The following TSACC variants were observed in gnomAD, a reference collection of about 807,000 sequenced individuals.
TSACC encodes the protein TSSK6 activating cochaperone.
A neutral mutation model predicts 6.9 loss-of-function variants in TSACC; 3 were observed. The ratio of observed to expected loss-of-function variants is 0.43; its 90% CI spans 0.20 to 1.12. The LOEUF (loss-of-function observed/expected upper bound fraction) is 1.12. TSACC is among the 50% of genes most tolerant of loss of function. TSACC has a pLI of 0.28. For synonymous variants in TSACC, 54 were observed against 55.1 expected, an observed-to-expected ratio of 0.98 and a Z score of 0.09; for missense variants, 137 against 143.9, an observed-to-expected ratio of 0.95 and a Z score of 0.24.
At chr1:156,338,140 TC>T, upstream of TSACC, 1 of 1,582,230 alleles carries the variant, frequency 6.3e-7, no homozygotes, top group East Asian at 2.3e-5. Context: ...TTTCCTGGCA[TC>T]CCCAGAACTC....
intron 2 of TSACC, among the ~76,000 whole-genome samples, chr1:156,343,171 T>G (rs1665988349): frequency 6.6e-6 from 1 of 152,224 alleles, no homozygotes; most frequent in Non-Finnish European, 1.5e-5. Context: ...CACTTCTATT[T>G]GGATTTCCTA....
chr1:156,339,905 A>C, intron 2 of TSACC, 114 bp downstream of exon 2: 8 of 1,045,364 alleles, frequency 7.7e-6, no homozygotes, highest in Non-Finnish European at 1.0e-5. Flanking sequence ...TCTGTTAAAT[A>C]GTAGATGCTC....
chr1:156,345,862 A>G (rs1360959904), intron 3 of TSACC, among the ~76,000 whole-genome samples: 3 of 149,870 alleles, frequency 2.0e-5, no homozygotes, highest in East Asian at 2.0e-4. Context: ...GCAAGGCTCC[A>G]TTGAAAAAAA....
At chr1:156,344,318 A>G (rs772659135) in intron 2 of TSACC, among the ~76,000 whole-genome samples, 7 of 152,170 alleles carry the variant, frequency 4.6e-5, no homozygotes, top group Non-Finnish European at 7.3e-5. Flanking sequence ...CATCTTATGT[A>G]TACCCTAGGA....
chr1:156,346,890 C>A lies in TSACC; in HGVS notation c.286C>A (p.Gln96Lys). ...VLEHLQASVT[Q>K]LAPGRGSNNS... The stretch of plus-strand genomic sequence containing the variant: ...GGAACATTTACAGGCATCTGTGACA[C>A]AACTGGCTCCTGGGAGGGGAAGCAA... The change falls in exon 4 of 4, where the codon CAA (glutamine) becomes AAA (lysine). Residue 96 changes from glutamine to lysine, a missense_variant. Physicochemically the swap from Gln to Lys is moderately conservative, Grantham distance 53. Coordinates refer to ENST00000368254, the MANE Select transcript of TSACC (RefSeq NM_001304817.2). The A allele has an allele frequency of 6.2e-7, 1 of 1,614,224 alleles. No individual in the cohort carries two copies. Among genetic ancestry groups the A allele is most frequent in the East Asian group, 2.2e-5 (1 of 44,890 alleles).
At chr1:156,337,540 G>A (rs972678211), upstream of TSACC, 43 of 168,056 alleles carry the variant, frequency 2.6e-4, no homozygotes, top group South Asian at 4.8e-3. Context: ...TTACATCTAA[G>A]ATCAGTGAGG....
In TSACC at chr1:156,344,540, C is replaced by A. The variant is rs1164797059; in HGVS notation, c.35-40C>A. ...AGGGATCTAATTAGAAAGGCTGTCC[C>A]TTGTTGGAATGAGCTCTGATTTAGT... On this transcript the variant is annotated intron_variant, in intron 2 of 3. Coordinates refer to ENST00000368254, the MANE Select transcript of TSACC (RefSeq NM_001304817.2). 4.4e-6 allele frequency: 7 copies of A among 1,605,148 alleles called. No homozygotes were observed. The African/African-American group carries it at 8.0e-5, about 18-fold the overall frequency.
intron 2 of TSACC, among the ~76,000 whole-genome samples, chr1:156,341,285 T>G (rs77646020): frequency 0.029 from 4,386 of 152,320 alleles, 82 homozygotes; most frequent in Non-Finnish European, 0.041. Flanking sequence ...TGTGGAATCT[T>G]GAGCAAATTT....
chr1:156,344,449 T>G (rs1217059107), intron 2 of TSACC, 131 bp from the exon 3 acceptor site: 1 of 1,316,148 alleles, frequency 7.6e-7, no homozygotes, highest in Non-Finnish European at 1.0e-6. Flanking sequence ...TTTTGTCTTA[T>G]GTATCTTTCT....
intron 2 of TSACC, 51 bp from the exon 3 acceptor site, chr1:156,344,529 A>T (rs894392621): frequency 3.8e-6 from 6 of 1,594,734 alleles, no homozygotes; most frequent in Non-Finnish European, 5.1e-6. Flanking sequence ...ATCTAATTAG[A>T]AAGGCTGTCC....
chr1:156,338,085 G>A, upstream of TSACC: 2 of 1,521,494 alleles, frequency 1.3e-6, no homozygotes, highest in South Asian at 2.4e-5. Context: ...CGGAGCTGGG[G>A]CAACACTGAA....
At chr1:156,343,934 T>A (rs1666031140) in intron 2 of TSACC, among the ~76,000 whole-genome samples, 1 of 151,996 alleles carries the variant, frequency 6.6e-6, no homozygotes, top group Admixed American at 6.6e-5. Context: ...GAGACGGAGT[T>A]TTACCAGGTT....
intron 2 of TSACC, 93 bp downstream of exon 2, chr1:156,339,884 C>G: frequency 7.4e-7 from 1 of 1,355,872 alleles, no homozygotes. Context: ...TTCCCAGCAC[C>G]TAGAACTGGA....
upstream of TSACC, chr1:156,337,896 G>A (rs899383164): frequency 1.9e-6 from 1 of 537,748 alleles, no homozygotes; most frequent in Non-Finnish European, 3.3e-6. Context: ...GACAGAACGC[G>A]GAGTGGGAAA....
intron 3 of TSACC, among the ~76,000 whole-genome samples, chr1:156,345,499 G>T (rs1393774597): frequency 6.6e-6 from 1 of 151,772 alleles, no homozygotes; most frequent in African/African-American, 2.4e-5. Flanking sequence ...GGAGGCGGAG[G>T]TTGCAGTGAG....
At chr1:156,338,114 G>A, upstream of TSACC, 1 of 1,568,216 alleles carries the variant, frequency 6.4e-7, no homozygotes, top group Non-Finnish European at 8.6e-7. Context: ...ACAGAAGAGG[G>A]CGAAAAGGGG....
intron 2 of TSACC, among the ~76,000 whole-genome samples, chr1:156,342,655 C>T (rs1440669591): frequency 6.6e-6 from 1 of 152,228 alleles, no homozygotes; most frequent in Non-Finnish European, 1.5e-5. Flanking sequence ...TTTTCCAGCT[C>T]TACAGACTAG....
upstream of TSACC, chr1:156,338,468 G>A (rs1665572372): frequency 1.9e-6 from 1 of 536,080 alleles, no homozygotes; most frequent in Non-Finnish European, 3.3e-6. Context: ...TGCGCAGTAG[G>A]GTGGCCGCTC....
chr1:156,345,079 T>C (rs1473983080), intron 3 of TSACC, among the ~76,000 whole-genome samples: 2 of 152,182 alleles, frequency 1.3e-5, no homozygotes, highest in Non-Finnish European at 2.9e-5. Context: ...GTCTTTGAAT[T>C]TTCATCATTC....
Sources: allele counts gnomAD v4.1 joint callset (sites outside exome capture counted in the v4.1 genomes callset), GRCh38; gene constraint gnomAD v4.1.1; transcripts MANE v1.5; gene names NCBI Gene and HGNC (gene_info 2026-07-23, HGNC 2026-07-21).